Variants in HTR4 observed in about 807,000 individuals in gnomAD.
HTR4 encodes 5-hydroxytryptamine receptor 4.
Under a neutral mutation model 36.8 loss-of-function variants are expected in HTR4, and 16 were observed. The ratio of observed to expected loss-of-function variants is 0.43; its 90% confidence interval spans 0.29 to 0.66. The LOEUF (loss-of-function observed/expected upper bound fraction) is 0.66, where lower values mean the gene tolerates loss of function less well. Among genes scored for constraint, HTR4 ranks in the 30% least tolerant of loss-of-function variants. The probability of loss-of-function intolerance (pLI) is 0.13; values close to 1 mark genes in which losing one functional copy is unlikely to be tolerated. For missense variants in HTR4, 438 were observed against 490.9 expected (o/e 0.89, Z 1.02); for synonymous variants, 189 against 185.1 (o/e 1.02, Z -0.17).
downstream of HTR4, among the ~76,000 whole-genome samples, chr5:148,480,661 A>G (rs1392573759): frequency 6.6e-6 from 1 of 152,210 alleles, no homozygotes; most frequent in Non-Finnish European, 1.5e-5. Context: ...GGAAGAATTA[A>G]TACCCAAGGG....
Position 148,580,951 on chromosome 5 carries a change from TC to T in HTR4, c.27-30690del, listed in dbSNP as rs138527371. 1.4e-3 allele frequency among the ~76,000 whole-genome samples: 213 copies of T among 152,122 alleles called. 6 individuals are homozygous for T. In the East Asian group the frequency reaches 0.034, roughly 24 times the overall value. ...TTTTTGAGGACCCTCCATACTGTTTTCCATGGCAGCAGTACCGTTTTACATT... is the reference window on the plus strand; with the variant it reads ...TTTTTGAGGACCCTCCATACTGTTTTCATGGCAGCAGTACCGTTTTACATT... On this transcript the variant is annotated intron_variant, in intron 2 of 6. Coordinates refer to ENST00000377888, the MANE Select transcript of HTR4 (RefSeq NM_000870.7).
intron 6 of HTR4, among the ~76,000 whole-genome samples, chr5:148,491,979 G>A (rs185190080): frequency 6.6e-6 from 1 of 152,270 alleles, no homozygotes; most frequent in East Asian, 1.9e-4. Context: ...TTGCTTAAGA[G>A]GCCCCAGGTG....
intron 6 of HTR4, among the ~76,000 whole-genome samples, chr5:148,486,728 T>C (rs1756177042): frequency 6.6e-6 from 1 of 152,184 alleles, no homozygotes; most frequent in Non-Finnish European, 1.5e-5. Context: ...ATCTGATACT[T>C]TATATTCCAT....
chr5:148,598,207 A>T (rs1014724356), intron 2 of HTR4, among the ~76,000 whole-genome samples: 1 of 151,960 alleles, frequency 6.6e-6, no homozygotes, highest in Non-Finnish European at 1.5e-5. Context: ...GATTTGGGGG[A>T]GGTTGGTGGT....
intron 6 of HTR4, among the ~76,000 whole-genome samples, chr5:148,489,428 C>A (rs1016534079): frequency 6.6e-6 from 1 of 152,104 alleles, no homozygotes; most frequent in African/African-American, 2.4e-5. Context: ...AGAAGCTGCC[C>A]ATAGGAGTGA....
At chr5:148,500,332 T>A (rs981340902) in intron 6 of HTR4, among the ~76,000 whole-genome samples, 1 of 151,792 alleles carries the variant, frequency 6.6e-6, no homozygotes, top group African/African-American at 2.4e-5. Context: ...GAGAAGAGTA[T>A]CAAGAGCCAA....
chr5:148,477,106 G>A (rs1755724962), downstream of HTR4, among the ~76,000 whole-genome samples: 1 of 152,174 alleles, frequency 6.6e-6, no homozygotes, highest in Non-Finnish European at 1.5e-5. Flanking sequence ...TGAAACTTAT[G>A]TTTTAGAGCC....
intron 6 of HTR4, among the ~76,000 whole-genome samples, chr5:148,499,816 T>C (rs367747935): frequency 3.3e-5 from 5 of 152,274 alleles, no homozygotes; most frequent in Admixed American, 1.3e-4. Context: ...ACAAGCGAAT[T>C]GTCACTCTAC....
chr5:148,586,698 A>C (rs959214099), intron 2 of HTR4, among the ~76,000 whole-genome samples: 6 of 152,170 alleles, frequency 3.9e-5, no homozygotes, highest in Non-Finnish European at 7.3e-5. Context: ...AGGAAAGTGA[A>C]GTTGAGTACT....
intron 1 of HTR4, among the ~76,000 whole-genome samples, chr5:148,648,549 C>T (rs78998874): frequency 0.018 from 2,707 of 152,294 alleles, 85 homozygotes; most frequent in African/African-American, 0.062. Context: ...GTATGTGATT[C>T]TCCATCCAAC....
At chr5:148,510,463 G>C (rs1757444996) in intron 5 of HTR4, among the ~76,000 whole-genome samples, 1 of 152,116 alleles carries the variant, frequency 6.6e-6, no homozygotes, top group South Asian at 2.1e-4. Context: ...GCACATAACA[G>C]ATCAGTCTCT....
intron 2 of HTR4, among the ~76,000 whole-genome samples, chr5:148,557,055 G>C (rs1450514325): frequency 6.6e-6 from 1 of 152,160 alleles, no homozygotes; most frequent in Non-Finnish European, 1.5e-5. Context: ...TCTGAGATGA[G>C]CTCAGACAAG....
intron 2 of HTR4, among the ~76,000 whole-genome samples, chr5:148,568,810 C>T (rs926858211): frequency 2.6e-5 from 4 of 151,974 alleles, no homozygotes; most frequent in Non-Finnish European, 4.4e-5. Flanking sequence ...AGGGAAATGC[C>T]CCAACACTTG....
intron 5 of HTR4, among the ~76,000 whole-genome samples, chr5:148,471,545 G>T (rs1426051830): frequency 6.6e-6 from 1 of 152,108 alleles, no homozygotes; most frequent in East Asian, 1.9e-4. Flanking sequence ...GATGTTATAC[G>T]TAGAAATATT....
chr5:148,533,384 C>G (rs754370447), intron 4 of HTR4, among the ~76,000 whole-genome samples: 2 of 152,214 alleles, frequency 1.3e-5, no homozygotes, highest in Non-Finnish European at 2.9e-5. Context: ...TTTGTAGACC[C>G]AGCCACCAGC....
chr5:148,536,110 C>A (rs1475883298), intron 4 of HTR4, among the ~76,000 whole-genome samples: 1 of 152,028 alleles, frequency 6.6e-6, no homozygotes. Context: ...ATATCTTCAA[C>A]CAAGAATTTC....
At chr5:148,488,557 G>A (rs971971962) in intron 6 of HTR4, among the ~76,000 whole-genome samples, 35 of 152,188 alleles carry the variant, frequency 2.3e-4, no homozygotes, top group African/African-American at 8.2e-4. Flanking sequence ...AAGAAAAATA[G>A]TAAATAAATA....
chr5:148,516,813 G>A (rs139950291), intron 5 of HTR4, among the ~76,000 whole-genome samples: 13 of 152,236 alleles, frequency 8.5e-5, no homozygotes, highest in African/African-American at 2.9e-4. Context: ...GATGGTAGTA[G>A]CCTATTCCAG....
chr5:148,490,303 A>G (rs1756358946), intron 6 of HTR4, among the ~76,000 whole-genome samples: 1 of 151,746 alleles, frequency 6.6e-6, no homozygotes, highest in Admixed American at 6.6e-5. Context: ...CTAAGCATCT[A>G]TGGAGATATT....
Sources: gnomAD v4.1 joint callset for allele counts (sites outside exome capture counted in the v4.1 genomes callset) on GRCh38, gnomAD v4.1.1 for gene constraint, MANE v1.5 for transcripts, NCBI Gene and HGNC (gene_info 2026-07-23, HGNC 2026-07-21) for gene names.